DMD: variants seen among roughly 807,000 people sequenced by gnomAD.
DMD encodes the protein mutant dystrophin.
Under a neutral mutation model 330.1 loss-of-function variants are expected in DMD, and 63 were observed. The observed-to-expected ratio is 0.19, with a 90% CI of 0.16 to 0.24. The LOEUF (loss-of-function observed/expected upper bound fraction) is 0.24. Ranked by LOEUF, DMD falls within the 10% of genes least tolerant of loss-of-function variation. The pLI is 1.00. For synonymous variants in DMD, 1,223 were observed against 959.8 expected (o/e 1.27, Z -5.07); for missense variants, 3,344 against 2,684.1 (o/e 1.25, Z -5.43).
chrX:31,486,350 T>C (rs1010769860), intron 57 of DMD, among the ~76,000 whole-genome samples: 2 of 112,333 alleles, frequency 1.8e-5, no homozygotes, highest in Admixed American at 9.4e-5. Context: ...GGGGAAAGCC[T>C]GGACTCATGA....
chrX:31,203,288 G>GAAA (rs775067715), intron 67 of DMD, among the ~76,000 whole-genome samples: 11,310 of 69,535 alleles, frequency 0.16, 936 homozygotes, highest in Middle Eastern at 0.23. Context: ...ACTCAAAAAA[G>GAAA]AAAAAAAAAA....
chrX:31,874,257 G>C (rs753775087), intron 48 of DMD, among the ~76,000 whole-genome samples: 2 of 111,382 alleles, frequency 1.8e-5, no homozygotes, highest in Non-Finnish European at 3.8e-5. Flanking sequence ...TCACAGGTAT[G>C]ACATGAAATT....
intron 1 of DMD, among the ~76,000 whole-genome samples, chrX:33,156,217 A>G (rs941996223): frequency 8.9e-6 from 1 of 112,325 alleles, no homozygotes; most frequent in Non-Finnish European, 1.9e-5. Flanking sequence ...ATCAAATGAA[A>G]AATAATCCTT....
rs1030159262 is a variant in DMD, at chrX:32,200,822, T to A, written c.6438+16094A>T. On this transcript the variant is annotated intron_variant, in intron 44 of 78. Transcript: ENST00000357033. The stretch of plus-strand genomic sequence containing the variant: ...TTAGTACTAGCCGCATTTTAAGAGC[T>A]CAGTATCTTATGTGGCTAGGGGGCA... Among the ~76,000 whole-genome samples, 30 of 111,874 alleles carry A rather than the reference T, an allele frequency of 2.7e-4. 1 individual carries two copies. The highest frequency in any genetic ancestry group is 9.1e-4 in the African/African-American group (28 of 30,792).
intron 2 of DMD, among the ~76,000 whole-genome samples, chrX:32,875,674 C>T (rs2149169049): frequency 8.9e-6 from 1 of 112,061 alleles, no homozygotes. Context: ...TCAAAGCAAC[C>T]AGAAAACCGA....
intron 1 of DMD, among the ~76,000 whole-genome samples, chrX:33,163,574 A>ATG (rs1445796234): frequency 1.8e-4 from 19 of 103,031 alleles, no homozygotes; most frequent in Admixed American, 1.8e-3. Context: ...ATATATATAT[A>ATG]TGTATATGTG....
intron 60 of DMD, among the ~76,000 whole-genome samples, chrX:31,379,816 G>A (rs977290523): frequency 2.7e-5 from 3 of 111,957 alleles, no homozygotes; most frequent in East Asian, 2.8e-4. Context: ...AGGAATGCCC[G>A]CAGCCCGGGA....
intron 55 of DMD, chrX:31,508,253 G>C: frequency 8.3e-7 from 1 of 1,207,175 alleles, no homozygotes; most frequent in Non-Finnish European, 1.1e-6. Context: ...GCTTGAACCG[G>C]GCACTACAGC....
Position 31,126,932 on chromosome X carries a change from T to C in DMD, c.11015-259A>G, listed in dbSNP as rs144949766. Among the ~76,000 whole-genome samples, 1,025 of 110,688 alleles carry C rather than the reference T, an allele frequency of 9.3e-3. 32 individuals are homozygous for C. The highest frequency in any genetic ancestry group is 0.087 in the Admixed American group (893 of 10,323). ...CAGAAGACGTCATTTGTAAAATCCATAGAGTTCACGCATTAAACTGGATGA... is the reference window on the plus strand; with the variant it reads ...CAGAAGACGTCATTTGTAAAATCCACAGAGTTCACGCATTAAACTGGATGA... On this transcript the variant is annotated intron_variant, in intron 77 of 78. Transcript: ENST00000357033.
chrX:32,592,216 G>T (rs1403197552), intron 13 of DMD, among the ~76,000 whole-genome samples: 3 of 111,280 alleles, frequency 2.7e-5, no homozygotes, highest in African/African-American at 9.8e-5. Context: ...AAGCCTGGGG[G>T]CTGGGCTGCC....
At chrX:31,805,918 C>T (rs1160810901) in intron 50 of DMD, among the ~76,000 whole-genome samples, 2 of 112,390 alleles carry the variant, frequency 1.8e-5, no homozygotes, top group African/African-American at 3.2e-5. Flanking sequence ...CAGTGAACTA[C>T]GGCTTGTGGG....
chrX:32,547,949 T>A (rs1372104143), intron 16 of DMD, among the ~76,000 whole-genome samples: 1 of 111,761 alleles, frequency 8.9e-6, no homozygotes, highest in Non-Finnish European at 1.9e-5. Context: ...TACCTGATAT[T>A]CTAAGATTTG....
chrX:31,911,626 T>C (rs1263216605), intron 47 of DMD, among the ~76,000 whole-genome samples: 2 of 111,691 alleles, frequency 1.8e-5, no homozygotes, highest in Non-Finnish European at 3.8e-5. Context: ...AAATGGATTG[T>C]AAAGAAGCAG....
At chrX:31,737,969 T>C (rs377614793) in intron 51 of DMD, among the ~76,000 whole-genome samples, 5 of 111,902 alleles carry the variant, frequency 4.5e-5, no homozygotes, top group African/African-American at 1.6e-4. Flanking sequence ...TAGGTAGACA[T>C]AGTAGAAGCA....
At chrX:31,850,547 A>G (rs992016631) in intron 48 of DMD, among the ~76,000 whole-genome samples, 8 of 112,379 alleles carry the variant, frequency 7.1e-5, no homozygotes, top group Non-Finnish European at 1.3e-4. Context: ...CTGGAACTTT[A>G]AAGGCAGTTC....
At chrX:31,480,869 C>A (rs1010114966) in intron 57 of DMD, among the ~76,000 whole-genome samples, 30 of 111,272 alleles carry the variant, frequency 2.7e-4, no homozygotes, top group African/African-American at 9.8e-4. Context: ...TAAATAATTT[C>A]AATACAATGT....
intron 1 of DMD, among the ~76,000 whole-genome samples, chrX:33,234,762 T>C (rs2052446626): frequency 9.0e-6 from 1 of 111,656 alleles, no homozygotes; most frequent in Non-Finnish European, 1.9e-5. Context: ...TGTAAAATTC[T>C]GGGAAAAGAG....
At chrX:31,378,825 T>C (rs758627249) in intron 60 of DMD, among the ~76,000 whole-genome samples, 1 of 110,286 alleles carries the variant, frequency 9.1e-6, no homozygotes, top group South Asian at 4.0e-4. Flanking sequence ...TCTCAAGAAC[T>C]TAAAACCTCT....
chrX:33,186,596 A>G (rs969020496), intron 1 of DMD, among the ~76,000 whole-genome samples: 6 of 111,765 alleles, frequency 5.4e-5, no homozygotes, highest in Non-Finnish European at 1.1e-4. Flanking sequence ...CCCAAAGACT[A>G]TCTTCTCATC....
Sources: gnomAD v4.1 joint callset for allele counts (sites outside exome capture counted in the v4.1 genomes callset) on GRCh38, gnomAD v4.1.1 for gene constraint, MANE v1.5 for transcripts, NCBI Gene and HGNC (gene_info 2026-07-23, HGNC 2026-07-21) for gene names.